The following FARS2 variants were observed in gnomAD, a reference collection of about 807,000 sequenced individuals.
FARS2 encodes the protein phenylalanyl-tRNA synthetase 2, mitochondrial, also known as phenylalanine--tRNA ligase, mitochondrial.
A neutral mutation model predicts 46.4 loss-of-function variants in FARS2; 40 were observed. That is an observed-to-expected ratio of 0.86 (90% confidence interval 0.67 to 1.12). FARS2 has a LOEUF of 1.12. FARS2 is among the 50% of genes most tolerant of loss of function. FARS2 has a pLI of 0.00. For synonymous variants in FARS2, 234 were observed against 214.9 expected (o/e 1.09, Z -0.78); for missense variants, 513 against 567.9 (o/e 0.90, Z 0.98).
At chr6:5,429,285 T>C (rs1027901461) in intron 3 of FARS2, among the ~76,000 whole-genome samples, 4 of 152,188 alleles carry the variant, frequency 2.6e-5, no homozygotes, top group Admixed American at 6.5e-5. Flanking sequence ...GGGGGAAATA[T>C]TGTATTACTG....
intron 4 of FARS2, among the ~76,000 whole-genome samples, chr6:5,539,269 C>G (rs186245822): frequency 6.6e-6 from 1 of 150,712 alleles, no homozygotes; most frequent in Non-Finnish European, 1.5e-5. Context: ...TGCAGTGGCA[C>G]GATCTCGGCT....
intron 5 of FARS2, among the ~76,000 whole-genome samples, chr6:5,597,907 A>G (rs1419781844): frequency 6.6e-6 from 1 of 151,924 alleles, no homozygotes; most frequent in African/African-American, 2.4e-5. Flanking sequence ...CTAGTACTTG[A>G]TATTTAGAAA....
chr6:5,700,960 T>A (rs1474712217), intron 6 of FARS2, among the ~76,000 whole-genome samples: 1 of 152,172 alleles, frequency 6.6e-6, no homozygotes, highest in East Asian at 1.9e-4. Flanking sequence ...ATACTTTACT[T>A]GATGTTTTTA....
intron 3 of FARS2, among the ~76,000 whole-genome samples, chr6:5,417,402 A>C (rs1762300515): frequency 6.6e-6 from 1 of 151,950 alleles, no homozygotes; most frequent in African/African-American, 2.4e-5. Flanking sequence ...ATAAAAAAAA[A>C]ATTGTAGAGA....
chr6:5,389,820 A>G (rs1760376662), intron 2 of FARS2, among the ~76,000 whole-genome samples: 2 of 151,458 alleles, frequency 1.3e-5, no homozygotes, highest in Admixed American at 1.3e-4. Context: ...TGCTCCTACT[A>G]CAGTTTTTTT....
chr6:5,450,757 C>T (rs1022575555), intron 4 of FARS2, among the ~76,000 whole-genome samples: 1 of 152,104 alleles, frequency 6.6e-6, no homozygotes, highest in Non-Finnish European at 1.5e-5. Context: ...GGGAGAAGCA[C>T]ACAGGGGCTT....
At chr6:5,576,208 C>T (rs745744900) in intron 5 of FARS2, among the ~76,000 whole-genome samples, 4 of 152,050 alleles carry the variant, frequency 2.6e-5, no homozygotes, top group Admixed American at 2.6e-4. Context: ...AAGTATGGAT[C>T]CTGGGTGTGT....
intron 6 of FARS2, among the ~76,000 whole-genome samples, chr6:5,724,436 A>G (rs1331977412): frequency 2.6e-5 from 4 of 152,262 alleles, no homozygotes; most frequent in Non-Finnish European, 4.4e-5. Context: ...CCTGAGTCTC[A>G]GGATTGCCTG....
intron 4 of FARS2, among the ~76,000 whole-genome samples, chr6:5,440,901 G>A (rs551236989): frequency 1.3e-5 from 2 of 150,906 alleles, no homozygotes; most frequent in African/African-American, 4.9e-5. Context: ...GAAGCTGTTG[G>A]CTCAGTCCAT....
chr6:5,614,704 C>T (rs1362135394), intron 6 of FARS2, among the ~76,000 whole-genome samples: 45 of 152,140 alleles, frequency 3.0e-4, no homozygotes, highest in Admixed American at 2.9e-3. Flanking sequence ...GGGCTGCCTT[C>T]TTTGTCTTTT....
chr6:5,455,054 G>C (rs1764762215), intron 4 of FARS2, among the ~76,000 whole-genome samples: 1 of 152,190 alleles, frequency 6.6e-6, no homozygotes, highest in Non-Finnish European at 1.5e-5. Context: ...GTTGGTCATA[G>C]ACTGCTGACC....
intron 1 of FARS2, among the ~76,000 whole-genome samples, chr6:5,264,945 C>A (rs1199150457): frequency 6.6e-6 from 1 of 151,354 alleles, no homozygotes; most frequent in Non-Finnish European, 1.5e-5. Context: ...AGGCTCATGC[C>A]ACCATGCCTG....
chr6:5,350,679 A>T (rs1048106052), intron 1 of FARS2, among the ~76,000 whole-genome samples: 1 of 152,214 alleles, frequency 6.6e-6, no homozygotes, highest in African/African-American at 2.4e-5. Flanking sequence ...AATTAGCCCA[A>T]AATGAATCAT....
At chr6:5,267,488 C>T (rs190972189) in intron 1 of FARS2, among the ~76,000 whole-genome samples, 66 of 152,176 alleles carry the variant, frequency 4.3e-4, no homozygotes, top group Non-Finnish European at 6.8e-4. Flanking sequence ...TGGTGGCTCA[C>T]ACCTGTAATC....
intron 6 of FARS2, among the ~76,000 whole-genome samples, chr6:5,707,756 C>T (rs1420424172): frequency 6.6e-6 from 1 of 152,210 alleles, no homozygotes; most frequent in Non-Finnish European, 1.5e-5. Context: ...CTTCCGTCCA[C>T]GTGTCCATCC....
At chr6:5,634,475 GT>G (rs1195073158) in intron 6 of FARS2, among the ~76,000 whole-genome samples, 1 of 151,942 alleles carries the variant, frequency 6.6e-6, no homozygotes. Context: ...GCTAATTTTT[GT>G]TTTTTGGTTT....
chr6:5,733,370 C>A (rs1327027498), intron 6 of FARS2, among the ~76,000 whole-genome samples: 1 of 152,114 alleles, frequency 6.6e-6, no homozygotes, highest in South Asian at 2.1e-4. Flanking sequence ...TGGAGTGTGT[C>A]CTGAATCATT....
chr6:5,513,583 C>T (rs1400041692), intron 4 of FARS2, among the ~76,000 whole-genome samples: 1 of 152,222 alleles, frequency 6.6e-6, no homozygotes, highest in African/African-American at 2.4e-5. Flanking sequence ...TTCGTTCTGG[C>T]TGCTGCCTCT....
intron 4 of FARS2, among the ~76,000 whole-genome samples, chr6:5,448,545 C>G (rs1764306776): frequency 6.6e-6 from 1 of 151,466 alleles, no homozygotes; most frequent in Non-Finnish European, 1.5e-5. Context: ...CTATTCACAG[C>G]TGCATGGTAT....
Sources: gnomAD v4.1 joint callset for allele counts (sites outside exome capture counted in the v4.1 genomes callset) on GRCh38, gnomAD v4.1.1 for gene constraint, MANE v1.5 for transcripts, NCBI Gene and HGNC (gene_info 2026-07-23, HGNC 2026-07-21) for gene names.